CFAP57: variants seen among roughly 807,000 people sequenced by gnomAD.
CFAP57 encodes cilia- and flagella-associated protein 57.
In CFAP57, 116 loss-of-function variants were observed where a neutral mutation model predicts 146.8. The observed-to-expected ratio is 0.79, with a 90% confidence interval of 0.68 to 0.92. The LOEUF (loss-of-function observed/expected upper bound fraction) is 0.92. Ranked by LOEUF, CFAP57 falls within the 40% of genes least tolerant of loss-of-function variation. The pLI, the probability that CFAP57 is intolerant of heterozygous loss-of-function variation, is 0.00. For missense variants in CFAP57, 1,377 were observed against 1,527.2 expected, an observed-to-expected ratio of 0.90 and a Z score of 1.64; for synonymous variants, 518 against 552.8, an observed-to-expected ratio of 0.94 and a Z score of 0.88.
chr1:43,244,085 T>A (rs1393517798), intron 22 of CFAP57, among the ~76,000 whole-genome samples: 1 of 152,190 alleles, frequency 6.6e-6, no homozygotes, highest in Non-Finnish European at 1.5e-5. Flanking sequence ...GGAGTAACAA[T>A]GAACAGCCTT....
intron 6 of CFAP57, among the ~76,000 whole-genome samples, chr1:43,191,092 C>G (rs1488832412): frequency 2.0e-5 from 3 of 152,086 alleles, no homozygotes; most frequent in Non-Finnish European, 4.4e-5. Flanking sequence ...TCATCTGGGC[C>G]TGGGCTTTTC....
At chr1:43,232,238 G>A (rs1226598374) in intron 18 of CFAP57, 2 of 598,228 alleles carry the variant, frequency 3.3e-6, no homozygotes, top group African/African-American at 3.7e-5. Context: ...AATCAGCATG[G>A]TTGAAGGAAA....
At position 43,241,086 on chromosome 1, in the gene CFAP57, G is replaced by A. The variant is rs573032497; in HGVS notation, c.3406-2141G>A. ...CCTGACCTCATGATCCACCTGCCTC[G>A]GCCTCCCAAAGTGCTGGGATTACAG... is the stretch of plus-strand genomic sequence containing the variant. On this transcript the variant is annotated intron_variant, in intron 21 of 22. Coordinates refer to ENST00000372492, the MANE Select transcript of CFAP57 (RefSeq NM_001378189.1). Among the ~76,000 whole-genome samples the A allele has an allele frequency of 1.4e-4, 21 of 152,222 alleles. No individual in the cohort carries two copies. The South Asian group carries it at 3.7e-3, about 27-fold the overall frequency.
In CFAP57 at chr1:43,221,336, G is replaced by A. The variant is rs535972246; in HGVS notation, c.2248-36G>A. 7 of 1,465,122 alleles carry A rather than the reference G, an allele frequency of 4.8e-6. No homozygotes were observed. The African/African-American group carries it at 5.6e-5, about 12-fold the overall frequency. 90.8% of individuals were successfully genotyped at this position (1,465,122 alleles called of 1,614,324 possible). On this transcript the variant is annotated intron_variant, in intron 13 of 22. Coordinates refer to ENST00000372492, the MANE Select transcript of CFAP57 (RefSeq NM_001378189.1). ...TCTTGCCCTAGTAGTGCTTTCAGCA[G>A]ATGTGTGTAAATGAGGAAATGTGAC...
chr1:43,219,546 A>G lies in CFAP57; in HGVS notation c.2247+9A>G, dbSNP rs1310146873. ...TGAAAACAAAAAACCAGGTCTGTTTAAGAGACTGACCAACAAGCACAAATA... is the reference window on the plus strand; with the variant it reads ...TGAAAACAAAAAACCAGGTCTGTTTGAGAGACTGACCAACAAGCACAAATA... On this transcript the variant is annotated intron_variant, in intron 13 of 22. Transcript: ENST00000372492. 6.4e-7 allele frequency: 1 copy of G among 1,550,404 alleles called. No individual in the cohort carries two copies. The highest frequency in any genetic ancestry group is 8.7e-7 in the Non-Finnish European group (1 of 1,146,912).
chr1:43,206,218 C>T (rs1644349988), intron 9 of CFAP57: 1 of 155,952 alleles, frequency 6.4e-6, no homozygotes, highest in South Asian at 1.9e-4. Context: ...ACCTCAGCCT[C>T]CCAAAGTGTT....
chr1:43,185,276 T>TGTTCTGCTGGGCCAGGGAGA lies in CFAP57; in HGVS notation c.899_918dup (p.Phe307GlyfsTer70), dbSNP rs751585154. On this transcript the variant is annotated frameshift_variant, in exon 5 of 23. Coordinates refer to ENST00000372492, the MANE Select transcript of CFAP57 (RefSeq NM_001378189.1). LOFTEE classifies it high-confidence loss of function. ...TGCAGCCTATTCAAAGGGATTTGCCTGTTCTGCTGGGCCAGGGAGAGTTCT... is the reference window on the plus strand; with the variant it reads ...TGCAGCCTATTCAAAGGGATTTGCCTGTTCTGCTGGGCCAGGGAGAGTTCTGCTGGGCCAGGGAGAGTTCT... The TGTTCTGCTGGGCCAGGGAGA allele has an allele frequency of 6.2e-7, 1 of 1,614,138 alleles. No individual in the cohort carries two copies. The highest frequency in any genetic ancestry group is 8.5e-7 in the Non-Finnish European group (1 of 1,180,028).
intron 21 of CFAP57, among the ~76,000 whole-genome samples, chr1:43,237,245 C>T (rs1321693076): frequency 1.3e-5 from 2 of 152,182 alleles, no homozygotes; most frequent in Non-Finnish European, 2.9e-5. Context: ...AAAATGAGGT[C>T]ACTGTCTCAT....
At chr1:43,227,221 C>T in intron 18 of CFAP57, 95 bp downstream of exon 18, 1 of 1,336,242 alleles carries the variant, frequency 7.5e-7, no homozygotes, top group Non-Finnish European at 9.8e-7. Flanking sequence ...AGAAGCTCTT[C>T]TCACAGTCCT....
At chr1:43,229,279 T>C (rs3844083) in intron 18 of CFAP57, among the ~76,000 whole-genome samples, 10,094 of 148,846 alleles carry the variant, frequency 0.068, 1,178 homozygotes, top group African/African-American at 0.13. Context: ...GGACCATTCA[T>C]CTTCTCTGGC....
At chr1:43,200,794 G>A (rs899450751) in intron 9 of CFAP57, among the ~76,000 whole-genome samples, 4 of 152,226 alleles carry the variant, frequency 2.6e-5, no homozygotes, top group South Asian at 2.1e-4. Context: ...TGGCTGCATC[G>A]CAGAAGGTAG....
chr1:43,175,613 C>T (rs1159785012), intron 2 of CFAP57, among the ~76,000 whole-genome samples: 1 of 151,980 alleles, frequency 6.6e-6, no homozygotes, highest in Non-Finnish European at 1.5e-5. Flanking sequence ...TGGGCTCAAG[C>T]CATCCTCCCC....
At chr1:43,243,644 C>A (rs952015429) in intron 22 of CFAP57, among the ~76,000 whole-genome samples, 2 of 152,184 alleles carry the variant, frequency 1.3e-5, no homozygotes, top group Non-Finnish European at 2.9e-5. Context: ...ATATAACATT[C>A]CCAGAGGGGT....
chr1:43,205,840 A>G (rs1025618064), intron 9 of CFAP57, among the ~76,000 whole-genome samples: 2 of 152,156 alleles, frequency 1.3e-5, no homozygotes, highest in African/African-American at 4.8e-5. Flanking sequence ...CAGAGTGCAC[A>G]GCAGTGAAGT....
Position 43,172,470 on chromosome 1 carries a change from G to T in CFAP57, c.-20+17G>T. On this transcript the variant is annotated intron_variant, in intron 1 of 22. Transcript: ENST00000372492. ...AAACGAAAGGTGGGAGGGGGTACCTGGGGGTCGCCAGAAGGAGCTGGTAGC... is the reference window on the plus strand; with the variant it reads ...AAACGAAAGGTGGGAGGGGGTACCTTGGGGTCGCCAGAAGGAGCTGGTAGC... 1 of 1,542,332 alleles carries T rather than the reference G, an allele frequency of 6.5e-7. No homozygotes were observed.
chr1:43,198,139 A>G (rs1643943603), intron 7 of CFAP57, among the ~76,000 whole-genome samples: 1 of 152,122 alleles, frequency 6.6e-6, no homozygotes, highest in African/African-American at 2.4e-5. Context: ...GGGAAGCTCC[A>G]ACCCTAGGTG....
Position 43,215,436 on chromosome 1 carries a change from A to C in CFAP57, c.2091+20A>C. On this transcript the variant is annotated intron_variant, in intron 12 of 22. Coordinates refer to ENST00000372492, the MANE Select transcript of CFAP57 (RefSeq NM_001378189.1). ...GAAAAGGTAAGAACTGGATCTAATG[A>C]AGAGGGATATGGAATTACTTACCAG... is the stretch of plus-strand genomic sequence containing the variant. 2.6e-6 allele frequency: 4 copies of C among 1,548,114 alleles called. No individual in the cohort carries two copies. Among genetic ancestry groups the C allele is most frequent in the Non-Finnish European group, 3.5e-6 (4 of 1,145,210 alleles).
Position 43,254,063 on chromosome 1 carries a change from C to G in CFAP57, c.3625C>G (p.Leu1209Val). ...ETGRIIEMQR[L>V]EIQRLRDQIQ... ...TGGGAGGATCATTGAAATGCAGCGC[C>G]TAGAAATCCAGCGCCTCAGAGACCA... is the stretch of plus-strand genomic sequence containing the variant. The change falls in exon 23 of 23, where the codon CTA becomes GTA. Residue 1209 changes from leucine (L) to valine (V), a missense_variant. Coordinates refer to ENST00000372492, the MANE Select transcript of CFAP57 (RefSeq NM_001378189.1). The G allele has an allele frequency of 6.4e-7, 1 of 1,550,520 alleles. No homozygotes were observed. The highest frequency in any genetic ancestry group is 8.7e-7 in the Non-Finnish European group (1 of 1,146,984).
rs1027670228 is a variant in CFAP57 at position 43,238,627 on chromosome 1, C to G, written c.3405+3989C>G. On this transcript the variant is annotated intron_variant, in intron 21 of 22. Transcript: ENST00000372492. This position sits in a 1 kb window ranked among gnomAD's most constrained non-coding sequence, Gnocchi z 4.3. ...CAAAGCCATCCAAAGCAAAAACGGT[C>G]GACCTCAATGTGACCTCGGGACCCC... Among the ~76,000 whole-genome samples the G allele has an allele frequency of 6.6e-6, 1 of 152,166 alleles. No individual in the cohort carries two copies. The highest frequency in any genetic ancestry group is 2.4e-5 in the African/African-American group (1 of 41,428).
Sources: allele counts gnomAD v4.1 joint callset (sites outside exome capture counted in the v4.1 genomes callset), GRCh38; gene constraint gnomAD v4.1.1; non-coding constraint Gnocchi (gnomAD v3.1); transcripts MANE v1.5; gene names NCBI Gene and HGNC (gene_info 2026-07-23, HGNC 2026-07-21).